Variants in CPQ observed in about 807,000 individuals in gnomAD.
CPQ encodes carboxypeptidase Q, also known as Ser-Met dipeptidase.
Under a neutral mutation model 45.7 loss-of-function variants are expected in CPQ, and 37 were observed. That is an observed-to-expected ratio of 0.81 (90% CI 0.62 to 1.07). The LOEUF is 1.07. CPQ is among the 50% of genes least tolerant of loss of function. The pLI is 0.00. For missense variants in CPQ, 537 were observed against 572.9 expected (o/e 0.94, Z 0.64); for synonymous variants, 186 against 205.8 (o/e 0.90, Z 0.82).
At chr8:96,965,852 A>G in intron 4 of CPQ, 83 bp from the exon 5 acceptor site, 1 of 784,508 alleles carries the variant, frequency 1.3e-6, no homozygotes, top group Non-Finnish European at 1.9e-6. Flanking sequence ...TTTCATTTTT[A>G]TATTTTGAAT....
At chr8:97,054,617 CA>C (rs35979706) in intron 6 of CPQ, among the ~76,000 whole-genome samples, 6,884 of 152,216 alleles carry the variant, frequency 0.045, 219 homozygotes, top group East Asian at 0.085. Flanking sequence ...ATATCTTCTG[CA>C]GCAACTTGGA....
intron 7 of CPQ, among the ~76,000 whole-genome samples, chr8:97,083,928 T>C: frequency 6.6e-6 from 1 of 152,308 alleles, no homozygotes; most frequent in South Asian, 2.1e-4. Context: ...GCCTCACTTA[T>C]TTTATTTTTT....
intron 5 of CPQ, among the ~76,000 whole-genome samples, chr8:97,007,784 G>A (rs753993301): frequency 6.6e-6 from 1 of 152,174 alleles, no homozygotes; most frequent in Non-Finnish European, 1.5e-5. Context: ...CATAATAAAG[G>A]ACGAAATGTT....
At chr8:96,996,895 G>C (rs1809187827) in intron 5 of CPQ, among the ~76,000 whole-genome samples, 1 of 152,006 alleles carries the variant, frequency 6.6e-6, no homozygotes, top group Non-Finnish European at 1.5e-5. Context: ...TTTGCTATTA[G>C]TGGAATAAGG....
At chr8:96,971,527 C>T (rs888557779) in intron 5 of CPQ, among the ~76,000 whole-genome samples, 5 of 152,142 alleles carry the variant, frequency 3.3e-5, no homozygotes, top group African/African-American at 1.2e-4. Flanking sequence ...TGAACTCTCC[C>T]TATTGCCATG....
intron 4 of CPQ, among the ~76,000 whole-genome samples, chr8:96,901,030 C>G (rs1812506578): frequency 6.6e-6 from 1 of 152,060 alleles, no homozygotes; most frequent in Non-Finnish European, 1.5e-5. Flanking sequence ...GAGATATATT[C>G]CTTGAGCGCA....
At chr8:96,775,477 G>T (rs770084224) in intron 1 of CPQ, among the ~76,000 whole-genome samples, 3 of 152,078 alleles carry the variant, frequency 2.0e-5, no homozygotes, top group Non-Finnish European at 2.9e-5. Flanking sequence ...TGATACAAGG[G>T]TATGGTAATG....
chr8:96,868,883 T>G (rs1271887545), intron 3 of CPQ, among the ~76,000 whole-genome samples: 1 of 151,974 alleles, frequency 6.6e-6, no homozygotes, highest in Non-Finnish European at 1.5e-5. Context: ...ATACTACAAT[T>G]TCCTTATTAC....
chr8:96,970,623 G>C (rs1002945074), intron 5 of CPQ, among the ~76,000 whole-genome samples: 5 of 151,622 alleles, frequency 3.3e-5, no homozygotes, highest in Non-Finnish European at 7.4e-5. Flanking sequence ...GAGTGCAGTG[G>C]TGCGATCTCG....
At chr8:97,097,543 AT>A (rs952019984) in intron 7 of CPQ, among the ~76,000 whole-genome samples, 2 of 152,194 alleles carry the variant, frequency 1.3e-5, no homozygotes, top group Non-Finnish European at 2.9e-5. Context: ...CCAACACAGA[AT>A]TCAATGGCCT....
intron 5 of CPQ, among the ~76,000 whole-genome samples, chr8:97,019,965 C>T (rs1486982095): frequency 6.6e-6 from 1 of 152,054 alleles, no homozygotes; most frequent in Non-Finnish European, 1.5e-5. Context: ...CAAGATAGAC[C>T]ATATGATAGG....
chr8:97,062,480 C>G (rs897650267), intron 6 of CPQ, among the ~76,000 whole-genome samples: 1 of 152,072 alleles, frequency 6.6e-6, no homozygotes, highest in Non-Finnish European at 1.5e-5. Context: ...TTTTTAAAAA[C>G]TTCTATTTTA....
intron 7 of CPQ, among the ~76,000 whole-genome samples, chr8:97,101,364 A>G (rs953495269): frequency 2.0e-5 from 3 of 152,006 alleles, no homozygotes; most frequent in Non-Finnish European, 4.4e-5. Context: ...TCTGCCCACA[A>G]TTGATCAAAT....
At chr8:97,085,576 G>A (rs894891095) in intron 7 of CPQ, among the ~76,000 whole-genome samples, 2 of 151,982 alleles carry the variant, frequency 1.3e-5, no homozygotes, top group Non-Finnish European at 2.9e-5. Context: ...CAGATATTTG[G>A]CAATACCCAG....
At chr8:96,962,325 A>G (rs974834066) in intron 4 of CPQ, among the ~76,000 whole-genome samples, 1 of 152,140 alleles carries the variant, frequency 6.6e-6, no homozygotes, top group African/African-American at 2.4e-5. Context: ...TTTGGAAAAG[A>G]TGATGGTGAA....
At chr8:96,884,899 A>AGCACCAGTGG in intron 4 of CPQ, among the ~76,000 whole-genome samples, 1 of 152,316 alleles carries the variant, frequency 6.6e-6, no homozygotes, top group African/African-American at 2.4e-5. Context: ...AATAACTTAT[A>AGCACCAGTGG]AAATTAGCTG....
chr8:96,846,399 T>C (rs1811690531), intron 3 of CPQ, among the ~76,000 whole-genome samples: 1 of 152,202 alleles, frequency 6.6e-6, no homozygotes. Context: ...GATATATGTT[T>C]TGCAAATATT....
chr8:96,886,459 A>C (rs1812308287), intron 4 of CPQ, among the ~76,000 whole-genome samples: 1 of 152,242 alleles, frequency 6.6e-6, no homozygotes, highest in South Asian at 2.1e-4. Context: ...TTGAAAATTC[A>C]GAGGAAACTT....
chr8:96,824,687 A>C (rs1811354480), intron 2 of CPQ, among the ~76,000 whole-genome samples: 1 of 152,000 alleles, frequency 6.6e-6, no homozygotes, highest in Non-Finnish European at 1.5e-5. Flanking sequence ...TAATATTTCT[A>C]TTACCATAGC....
Sources: gnomAD v4.1 joint callset for allele counts (sites outside exome capture counted in the v4.1 genomes callset) on GRCh38, gnomAD v4.1.1 for gene constraint, MANE v1.5 for transcripts, NCBI Gene and HGNC (gene_info 2026-07-23, HGNC 2026-07-21) for gene names.